UBR2: variants seen among roughly 807,000 people sequenced by gnomAD.
UBR2 encodes E3 ubiquitin-protein ligase UBR2.
A neutral mutation model predicts 247.9 loss-of-function variants in UBR2; 92 were observed. The observed-to-expected ratio is 0.37, with a 90% CI of 0.31 to 0.44. UBR2 has a LOEUF of 0.44. UBR2 is among the 20% of genes least tolerant of loss of function. UBR2 has a pLI of 1.00. For missense variants in UBR2, 1,613 were observed against 2,112.6 expected, an observed-to-expected ratio of 0.76 and a Z score of 4.64; for synonymous variants, 672 against 693.5, an observed-to-expected ratio of 0.97 and a Z score of 0.49.
intron 36 of UBR2, 102 bp downstream of exon 36, chr6:42,670,817 C>A: frequency 1.2e-6 from 1 of 821,532 alleles, no homozygotes; most frequent in Non-Finnish European, 1.9e-6. Context: ...TACACCTTCA[C>A]TTCTTTCGTA....
chr6:42,606,726 C>A, intron 7 of UBR2, 75 bp downstream of exon 7: 1 of 1,270,130 alleles, frequency 7.9e-7, no homozygotes, highest in Non-Finnish European at 1.1e-6. Flanking sequence ...CATTTATGAA[C>A]ATGTCTTTCT....
At chr6:42,663,055 CT>C (rs11392975) in intron 31 of UBR2, among the ~76,000 whole-genome samples, 3 of 150,658 alleles carry the variant, frequency 2.0e-5, no homozygotes, top group African/African-American at 4.9e-5. Context: ...ACATGGCAGT[CT>C]TTTTTTTTAT....
In UBR2 at chr6:42,564,245, G is replaced by T. The variant is rs1790641850; in HGVS notation, c.-75G>T. Reference sequence around the variant, plus strand: ...CTGATTGCCTGGGGCAGGGGTGGCAGTCGAGGCCGCCGGGGCCGAGGTGAG... The same window carrying T: ...CTGATTGCCTGGGGCAGGGGTGGCATTCGAGGCCGCCGGGGCCGAGGTGAG... On this transcript the variant is annotated 5_prime_UTR_variant, in exon 1 of 47. Transcript: ENST00000372901. 6.5e-7 allele frequency: 1 copy of T among 1,547,134 alleles called. No homozygotes were observed. The highest frequency in any genetic ancestry group is 8.8e-7 in the Non-Finnish European group (1 of 1,142,334).
intron 43 of UBR2, among the ~76,000 whole-genome samples, chr6:42,684,420 A>G (rs1799241447): frequency 6.6e-6 from 1 of 151,662 alleles, no homozygotes; most frequent in Non-Finnish European, 1.5e-5. Context: ...ACTAAAAAAA[A>G]AAAAATACAA....
At chr6:42,611,435 T>TG (rs1402557229) in intron 7 of UBR2, among the ~76,000 whole-genome samples, 1 of 143,880 alleles carries the variant, frequency 7.0e-6, no homozygotes, top group Non-Finnish European at 1.5e-5. Context: ...CACTCCAGCC[T>TG]GGTGACAGAG....
chr6:42,621,156 T>G (rs1204084055), intron 11 of UBR2, among the ~76,000 whole-genome samples: 2 of 152,200 alleles, frequency 1.3e-5, no homozygotes, highest in Non-Finnish European at 2.9e-5. Context: ...TTCTAAAAGC[T>G]GCCTTTCCCA....
At position 42,666,154 on chromosome 6, in the gene UBR2, C is replaced by T. The variant is rs747774368; in HGVS notation, c.3803-13C>T. ...ATCTATTGAATAATAGTATAAAATG[C>T]CTGTTTCTATAGATAATGCCTCTAC... On this transcript the variant is annotated splice_polypyrimidine_tract_variant and intron_variant, in intron 33 of 46. Coordinates refer to ENST00000372901, the MANE Select transcript of UBR2 (RefSeq NM_001363705.2). 9 of 1,600,640 alleles carry T rather than the reference C, an allele frequency of 5.6e-6. No homozygotes were observed. Among genetic ancestry groups the T allele is most frequent in the African/African-American group, 1.3e-5 (1 of 74,468 alleles).
intron 8 of UBR2, among the ~76,000 whole-genome samples, chr6:42,613,408 A>G (rs1377360770): frequency 6.6e-6 from 1 of 152,170 alleles, no homozygotes; most frequent in Non-Finnish European, 1.5e-5. Context: ...GAACGCGTTT[A>G]CTTTAAAAGA....
chr6:42,681,237 A>G (rs532129092), intron 42 of UBR2, among the ~76,000 whole-genome samples: 5 of 151,398 alleles, frequency 3.3e-5, no homozygotes, highest in Admixed American at 2.0e-4. Context: ...AAATTTAAAC[A>G]TTAGGCATGC....
chr6:42,570,793 C>T (rs539956804), intron 1 of UBR2, among the ~76,000 whole-genome samples: 1 of 151,658 alleles, frequency 6.6e-6, no homozygotes, highest in African/African-American at 2.4e-5. Flanking sequence ...AGGTGATCCT[C>T]CCACCTCAGC....
chr6:42,688,082 T>C, intron 44 of UBR2, 134 bp from the exon 45 acceptor site: 1 of 950,534 alleles, frequency 1.1e-6, no homozygotes, highest in Non-Finnish European at 1.6e-6. Context: ...GGAATAAACT[T>C]GCATAGACTG....
At chr6:42,627,387 A>G (rs1374088842) in intron 11 of UBR2, among the ~76,000 whole-genome samples, 1 of 152,192 alleles carries the variant, frequency 6.6e-6, no homozygotes, top group Non-Finnish European at 1.5e-5. Flanking sequence ...CTTCTGAGCC[A>G]TAATTTCTAA....
At chr6:42,674,362 T>C (rs1308665006) in intron 38 of UBR2, among the ~76,000 whole-genome samples, 169 bp downstream of exon 38, 2 of 152,210 alleles carry the variant, frequency 1.3e-5, no homozygotes, top group Non-Finnish European at 2.9e-5. Flanking sequence ...AGGAACCTAG[T>C]TGAGAGACTT....
chr6:42,663,559 C>G, intron 32 of UBR2, 140 bp downstream of exon 32: 2 of 878,404 alleles, frequency 2.3e-6, no homozygotes, highest in Non-Finnish European at 3.2e-6. Flanking sequence ...TCATTTTCTT[C>G]TAGCAGACCT....
rs1016952215 is a variant in UBR2, at chr6:42,605,724, G to A, written c.666G>A (p.Glu222=). The change falls in exon 6 of 47, where the codon GAG becomes GAA. Residue 222 remains glutamate (E), a synonymous_variant. Coordinates refer to ENST00000372901, the MANE Select transcript of UBR2 (RefSeq NM_001363705.2). ...TCATGAATATTTTATCACACAGAGA[G>A]AAGAGTGACACCTACTATTGCATGC... ...SELPADLEMV[E]KSDTYYCMLF... is the part of the protein sequence containing the mutation. The A allele has an allele frequency of 1.3e-6, 2 of 1,597,788 alleles. No homozygotes were observed. Among genetic ancestry groups the A allele is most frequent in the African/African-American group, 2.7e-5 (2 of 74,012 alleles).
In UBR2 at chr6:42,691,427, T is replaced by C. The variant is rs1582750914; in HGVS notation, c.*254T>C. 2 of 479,436 alleles carry C rather than the reference T, an allele frequency of 4.2e-6. No homozygotes were observed. Among genetic ancestry groups the C allele is most frequent in the Non-Finnish European group, 7.5e-6 (2 of 268,246 alleles). 29.7% of individuals were successfully genotyped at this position (479,436 alleles called of 1,614,324 possible). A position where few individuals can be genotyped will look rare whatever the true frequency, so the allele number is the denominator to read the frequency against. On this transcript the variant is annotated 3_prime_UTR_variant, in exon 47 of 47. Transcript: ENST00000372901. ...AAGGAGCTTCTCTTCCTAGATTGGA[T>C]CCCAGCCCCTTTGTGGGGGTCTGAC...
chr6:42,576,565 C>A (rs1181111192), intron 2 of UBR2, among the ~76,000 whole-genome samples: 15 of 146,208 alleles, frequency 1.0e-4, no homozygotes, highest in African/African-American at 3.3e-4. Context: ...AGTCTCACCC[C>A]GTAGCCCAGG....
At position 42,676,075 on chromosome 6, in the gene UBR2, T is replaced by C. The variant is rs1251442644; in HGVS notation, c.4271T>C (p.Phe1424Ser). ...FHLLVGLVLA[F>S]PALQCQDFSG... ...GCCTAGGTGGGCTTGGTGCTTGCAT[T>C]TCCTGCGTTGCAGTGTCAGGATTTT... The change falls in exon 39 of 47, where the codon TTT (phenylalanine) becomes TCT (serine). Residue 1424 changes from phenylalanine (F) to serine (S), a missense_variant. Phe to Ser is a radical substitution (Grantham distance 155). Transcript: ENST00000372901. 6.2e-7 allele frequency: 1 copy of C among 1,612,584 alleles called. No individual in the cohort carries two copies. The highest frequency in any genetic ancestry group is 8.5e-7 in the Non-Finnish European group (1 of 1,179,628).
intron 4 of UBR2, among the ~76,000 whole-genome samples, chr6:42,597,770 G>A (rs952149320): frequency 1.3e-5 from 2 of 151,938 alleles, no homozygotes; most frequent in Non-Finnish European, 2.9e-5. Flanking sequence ...TACAAAATTA[G>A]CCGGGCGTGG....
Sources: allele counts gnomAD v4.1 joint callset (sites outside exome capture counted in the v4.1 genomes callset), GRCh38; gene constraint gnomAD v4.1.1; transcripts MANE v1.5; gene names NCBI Gene and HGNC (gene_info 2026-07-23, HGNC 2026-07-21).